Variants in MS4A13 observed in about 807,000 individuals in gnomAD.
The protein encoded by MS4A13 is membrane spanning 4-domains A13.
In MS4A13, 21 loss-of-function variants were observed where a neutral mutation model predicts 18.4. The observed-to-expected ratio is 1.14, with a 90% confidence interval of 0.81 to 1.64. The LOEUF (loss-of-function observed/expected upper bound fraction) is 1.64, where lower values mean the gene tolerates loss of function less well. Ranked by LOEUF, MS4A13 falls within the 40% of genes most tolerant of loss-of-function variation. The probability of loss-of-function intolerance (pLI) is 0.00; values close to 1 mark genes in which losing one functional copy is unlikely to be tolerated. For missense variants in MS4A13, 173 were observed against 176.8 expected, an observed-to-expected ratio of 0.98 and a Z score of 0.12; for synonymous variants, 62 against 57.2, an observed-to-expected ratio of 1.08 and a Z score of -0.38.
chr11:60,525,121 C>G, intron 4 of MS4A13, 86 bp from the exon 5 acceptor site: 1 of 950,608 alleles, frequency 1.1e-6, no homozygotes, highest in South Asian at 1.5e-5. Flanking sequence ...AAAGTTTTAA[C>G]TAGATGAGTT....
At chr11:60,539,793 G>T (rs1332338657) in intron 6 of MS4A13, among the ~76,000 whole-genome samples, 2 of 152,186 alleles carry the variant, frequency 1.3e-5, no homozygotes, top group African/African-American at 4.8e-5. Flanking sequence ...AGGCCTGAAG[G>T]TAGTGGAATG....
intron 5 of MS4A13, among the ~76,000 whole-genome samples, chr11:60,527,082 A>C (rs1387528906): frequency 1.3e-5 from 2 of 152,184 alleles, no homozygotes; most frequent in Non-Finnish European, 2.9e-5. Context: ...TATAAAATGG[A>C]AATTACTTAC....
chr11:60,532,911 C>G (rs1360955480), intron 6 of MS4A13, among the ~76,000 whole-genome samples: 1 of 57,158 alleles, frequency 1.7e-5, no homozygotes, highest in Non-Finnish European at 3.6e-5. Context: ...AGCAGGGGCA[C>G]ACTGACACCT....
intron 5 of MS4A13, 91 bp from the exon 6 acceptor site, chr11:60,529,274 T>TTTACTCTCATACCAGTAGC: frequency 2.9e-6 from 1 of 348,296 alleles, no homozygotes. Context: ...TTTTTTTTTT[T>TTTACTCTCATACCAGTAGC]TGACTCTCAT....
At chr11:60,517,203 C>T (rs1044796659) in intron 2 of MS4A13, among the ~76,000 whole-genome samples, 1 of 151,628 alleles carries the variant, frequency 6.6e-6, no homozygotes, top group Non-Finnish European at 1.5e-5. Context: ...AACAAAACTT[C>T]TCCAAAATGT....
At chr11:60,529,530 T>C (rs2086748497) in intron 6 of MS4A13, 70 bp downstream of exon 6, 3 of 732,326 alleles carry the variant, frequency 4.1e-6, no homozygotes, top group Non-Finnish European at 6.6e-6. Context: ...TATGAGAAGA[T>C]GAAGTGCACT....
intron 6 of MS4A13, among the ~76,000 whole-genome samples, chr11:60,531,012 T>C (rs1427284210): frequency 6.6e-6 from 1 of 152,180 alleles, no homozygotes; most frequent in Non-Finnish European, 1.5e-5. Context: ...CTTTCCTTTA[T>C]AAATTACCCA....
At chr11:60,531,783 C>T (rs1209583694) in intron 6 of MS4A13, among the ~76,000 whole-genome samples, 1 of 152,096 alleles carries the variant, frequency 6.6e-6, no homozygotes, top group Non-Finnish European at 1.5e-5. Flanking sequence ...TGTCTGTGTC[C>T]TAGTCTCTTC....
intron 6 of MS4A13, among the ~76,000 whole-genome samples, chr11:60,531,951 C>T (rs1350819716): frequency 6.6e-6 from 1 of 152,292 alleles, no homozygotes; most frequent in Non-Finnish European, 1.5e-5. Flanking sequence ...GTATTGCTAA[C>T]CACCACTCCT....
intron 6 of MS4A13, among the ~76,000 whole-genome samples, chr11:60,531,288 C>T (rs966419692): frequency 2.0e-5 from 3 of 152,136 alleles, no homozygotes; most frequent in Non-Finnish European, 4.4e-5. Context: ...CTTGTTGGGG[C>T]AAAAAATTTA....
At position 60,518,164 on chromosome 11, in the gene MS4A13, G is replaced by C. The variant is rs141622117; in HGVS notation, c.81G>C (p.Thr27=). Residue 27 remains threonine, a synonymous_variant, in exon 3 of 7, where the codon ACG becomes ACC. Coordinates refer to ENST00000378186, the MANE Select transcript of MS4A13 (RefSeq NM_001012417.3). ...YMGQIKGAFG[T]YEPVTYKTGC... ...GACAAATTAAAGGAGCCTTTGGAAC[G>C]TATGAACCTGTAACTTACAAAACAG... The C allele has an allele frequency of 2.5e-6, 4 of 1,611,864 alleles. No homozygotes were observed. Among genetic ancestry groups the C allele is most frequent in the South Asian group, 1.1e-5 (1 of 90,862 alleles).
intron 2 of MS4A13, among the ~76,000 whole-genome samples, chr11:60,516,674 T>C (rs1313186202): frequency 1.3e-5 from 2 of 152,152 alleles, no homozygotes; most frequent in Admixed American, 6.5e-5. Flanking sequence ...GCATTTTTTT[T>C]CCCTGGGGGC....
chr11:60,518,006 T>C (rs1782699509), intron 2 of MS4A13, 66 bp from the exon 3 acceptor site: 1 of 1,274,526 alleles, frequency 7.8e-7, no homozygotes, highest in Non-Finnish European at 1.1e-6. Context: ...TTCTTATAGT[T>C]AACACTTATT....
intron 6 of MS4A13, among the ~76,000 whole-genome samples, chr11:60,540,934 G>A (rs1295977209): frequency 9.8e-5 from 14 of 142,164 alleles, no homozygotes; most frequent in Non-Finnish European, 2.0e-4. Flanking sequence ...CAGTGTGGGT[G>A]ACAGAGTAAA....
At position 60,522,904 on chromosome 11, in the gene MS4A13, C is replaced by T. The variant is rs186645569; in HGVS notation, c.130-993C>T. On this transcript the variant is annotated intron_variant, in intron 3 of 6. Coordinates refer to ENST00000378186, the MANE Select transcript of MS4A13 (RefSeq NM_001012417.3). The stretch of plus-strand genomic sequence containing the variant: ...TATTATAAAAATAGTATATTAAACT[C>T]CTAGGATAACTTATCTAAAATTTCA... 1.6e-4 allele frequency among the ~76,000 whole-genome samples: 24 copies of T among 152,234 alleles called. No individual in the cohort carries two copies. The East Asian group carries it at 4.4e-3, about 28-fold the overall frequency.
intron 6 of MS4A13, among the ~76,000 whole-genome samples, chr11:60,540,013 C>T (rs2086843787): frequency 6.6e-6 from 1 of 152,068 alleles, no homozygotes. Context: ...AAAAAAGTGC[C>T]AGTAAAAGTA....
chr11:60,540,232 C>G (rs528955955), intron 6 of MS4A13, among the ~76,000 whole-genome samples: 1 of 152,166 alleles, frequency 6.6e-6, no homozygotes, highest in South Asian at 2.1e-4. Context: ...TATTCATAGA[C>G]AATACATAAA....
intron 3 of MS4A13, among the ~76,000 whole-genome samples, chr11:60,523,439 A>T (rs2135253054): frequency 6.6e-6 from 1 of 152,340 alleles, no homozygotes; most frequent in South Asian, 2.1e-4. Flanking sequence ...CAATCTCATA[A>T]AAGAGACTGC....
At chr11:60,518,475 A>T (rs1054067053) in intron 3 of MS4A13, among the ~76,000 whole-genome samples, 1 of 152,196 alleles carries the variant, frequency 6.6e-6, no homozygotes, top group African/African-American at 2.4e-5. Flanking sequence ...GATATGTGAA[A>T]GGCAAAGAAT....
Sources: gnomAD v4.1 joint callset for allele counts (sites outside exome capture counted in the v4.1 genomes callset) on GRCh38, gnomAD v4.1.1 for gene constraint, MANE v1.5 for transcripts, NCBI Gene and HGNC (gene_info 2026-07-23, HGNC 2026-07-21) for gene names.